Variants in SEPTIN9 observed in about 807,000 individuals in gnomAD.
The protein encoded by SEPTIN9 is septin-9.
SEPTIN9 carries 13 observed loss-of-function variants against 56.6 expected under a neutral mutation model. The observed-to-expected ratio is 0.23, with a 90% CI of 0.15 to 0.37. The LOEUF (loss-of-function observed/expected upper bound fraction) is 0.37. SEPTIN9 is among the 10% of genes least tolerant of loss of function. The pLI is 1.00. For synonymous variants in SEPTIN9, 332 were observed against 334.1 expected (o/e 0.99, Z 0.07); for missense variants, 650 against 823.1 (o/e 0.79, Z 2.57).
chr17:77,443,257 G>A (rs761938612), intron 3 of SEPTIN9, among the ~76,000 whole-genome samples: 1 of 152,128 alleles, frequency 6.6e-6, no homozygotes, highest in Non-Finnish European at 1.5e-5. Context: ...GGACACACTT[G>A]ATGTTGGCTC....
chr17:77,316,788 C>A (rs2143638583), intron 2 of SEPTIN9, among the ~76,000 whole-genome samples: 1 of 151,964 alleles, frequency 6.6e-6, no homozygotes, highest in East Asian at 1.9e-4. Context: ...CTCACAGCAG[C>A]CTCGAACTCC....
rs562492995 is a variant in SEPTIN9 at position 77,453,571 on chromosome 17, C to T, written c.722-28573C>T. On this transcript the variant is annotated intron_variant, in intron 3 of 11. Transcript: ENST00000427177. The surrounding 1 kb of genome is among the most constrained non-coding windows in gnomAD (Gnocchi z 4.4). ...AGTGAGCTGAGATTGTGCTACTGCA[C>T]TCCAGTCTGGGCAACAAGAGTGAAA... Among the ~76,000 whole-genome samples the T allele has an allele frequency of 2.4e-4, 36 of 150,894 alleles. No homozygotes were observed. In the South Asian group the frequency reaches 4.0e-3, roughly 17 times the overall value.
At chr17:77,316,376 C>T (rs1486669093) in intron 2 of SEPTIN9, among the ~76,000 whole-genome samples, 1 of 152,238 alleles carries the variant, frequency 6.6e-6, no homozygotes, top group African/African-American at 2.4e-5. Flanking sequence ...TTCAAGTGAT[C>T]CCCCGCCTGG....
Position 77,435,106 on chromosome 17 carries a change from T to G in SEPTIN9, c.721+32403T>G, listed in dbSNP as rs185445919. On this transcript the variant is annotated intron_variant, in intron 3 of 11. Coordinates refer to ENST00000427177, the MANE Select transcript of SEPTIN9 (RefSeq NM_001113491.2). The surrounding 1 kb of genome is among the most constrained non-coding windows in gnomAD (Gnocchi z 4.5). Reference sequence around the variant, plus strand: ...CTCCCAACAACACTGTGAAATTGATTCTGTTGTTATTCCCATTTCACCGAT... The same window carrying G: ...CTCCCAACAACACTGTGAAATTGATGCTGTTGTTATTCCCATTTCACCGAT... 9.8e-4 allele frequency among the ~76,000 whole-genome samples: 149 copies of G among 152,208 alleles called. No homozygotes were observed. Among genetic ancestry groups the G allele is most frequent in the South Asian group, 2.5e-3 (12 of 4,824 alleles).
chr17:77,485,848 T>C (rs1244512784), intron 4 of SEPTIN9, among the ~76,000 whole-genome samples: 1 of 150,848 alleles, frequency 6.6e-6, no homozygotes, highest in Non-Finnish European at 1.5e-5. Context: ...TTTTTTGTGT[T>C]GTGTTTTTTT....
At chr17:77,441,827 G>A (rs1014467203) in intron 3 of SEPTIN9, among the ~76,000 whole-genome samples, 3 of 152,188 alleles carry the variant, frequency 2.0e-5, no homozygotes, top group Non-Finnish European at 4.4e-5. Flanking sequence ...TTTGTGACGG[G>A]AACATCCTGC....
chr17:77,468,132 G>A (rs1322984549), intron 3 of SEPTIN9, among the ~76,000 whole-genome samples: 1 of 152,152 alleles, frequency 6.6e-6, no homozygotes, highest in Non-Finnish European at 1.5e-5. Flanking sequence ...GGGCGTGGTG[G>A]CGGGCGCCTG....
chr17:77,475,155 T>G lies in SEPTIN9; in HGVS notation c.722-6989T>G. 1 of 1,050,978 alleles carries G rather than the reference T, an allele frequency of 9.5e-7. No individual in the cohort carries two copies. The highest frequency in any genetic ancestry group is 4.5e-5 in the East Asian group (1 of 22,376). 65.1% of individuals were successfully genotyped at this position (1,050,978 alleles called of 1,614,324 possible). ...TACGCTGCTCTGAAGAAAGCCGGGCTGGGGTGAGCGTGATGGATGAGGTGT... is the reference window on the plus strand; with the variant it reads ...TACGCTGCTCTGAAGAAAGCCGGGCGGGGGTGAGCGTGATGGATGAGGTGT... On this transcript the variant is annotated intron_variant, in intron 3 of 11. Coordinates refer to ENST00000427177, the MANE Select transcript of SEPTIN9 (RefSeq NM_001113491.2). The surrounding 1 kb of genome is among the most constrained non-coding windows in gnomAD (Gnocchi z 4.6).
At position 77,451,444 on chromosome 17, in the gene SEPTIN9, C is replaced by G; in HGVS notation, c.722-30700C>G. 6.1e-6 allele frequency: 6 copies of G among 985,744 alleles called. No individual in the cohort carries two copies. Among genetic ancestry groups the G allele is most frequent in the Non-Finnish European group, 7.2e-6 (6 of 830,166 alleles). 61.1% of individuals were successfully genotyped at this position (985,744 alleles called of 1,614,324 possible). A position where few individuals can be genotyped will look rare whatever the true frequency, so the allele number is the denominator to read the frequency against. Reference sequence around the variant, plus strand: ...CCGCGACCACAAAGCCCCTTTGATCCTCTGCTCGGCTCTGAGCCATGTGAC... The same window carrying G: ...CCGCGACCACAAAGCCCCTTTGATCGTCTGCTCGGCTCTGAGCCATGTGAC... On this transcript the variant is annotated intron_variant, in intron 3 of 11. Coordinates refer to ENST00000427177, the MANE Select transcript of SEPTIN9 (RefSeq NM_001113491.2). This position sits in a 1 kb window ranked among gnomAD's most constrained non-coding sequence, Gnocchi z 4.2.
Position 77,487,326 on chromosome 17 carries a change from G to A in SEPTIN9, c.914-98G>A. On this transcript the variant is annotated intron_variant, in intron 4 of 11. Transcript: ENST00000427177. This position sits in a 1 kb window ranked among gnomAD's most constrained non-coding sequence, Gnocchi z 4.3. ...GTAGCCCAGGCACTGCTGAATCTCAGACTGGAGAGCCTCGTGCCTGGGTGG... is the reference window on the plus strand; with the variant it reads ...GTAGCCCAGGCACTGCTGAATCTCAAACTGGAGAGCCTCGTGCCTGGGTGG... 7.4e-7 allele frequency: 1 copy of A among 1,356,232 alleles called. No individual in the cohort carries two copies. Among genetic ancestry groups the A allele is most frequent in the Non-Finnish European group, 1.0e-6 (1 of 973,538 alleles). 84.0% of individuals were successfully genotyped at this position (1,356,232 alleles called of 1,614,324 possible).
In SEPTIN9 at chr17:77,325,494, C is replaced by T. The variant is rs1156790365; in HGVS notation, c.76+18297C>T. 9.9e-5 allele frequency among the ~76,000 whole-genome samples: 15 copies of T among 152,206 alleles called. 1 individual carries two copies. The highest frequency in any genetic ancestry group is 1.5e-5 in the Non-Finnish European group (1 of 68,034). ...AGGGAGTCTCAGCTCCTGCCCAGGA[C>T]CTGGCTGGACGTGCTCCCTACCGGG... On this transcript the variant is annotated intron_variant, in intron 2 of 11. Coordinates refer to ENST00000427177, the MANE Select transcript of SEPTIN9 (RefSeq NM_001113491.2).
chr17:77,491,179 G>A (rs992738204), intron 8 of SEPTIN9, among the ~76,000 whole-genome samples: 3 of 151,966 alleles, frequency 2.0e-5, no homozygotes, highest in Non-Finnish European at 2.9e-5. Flanking sequence ...GAGTGAGGCC[G>A]AGCAGGGGCC....
chr17:77,471,064 C>T (rs2143036554), intron 3 of SEPTIN9: 1 of 152,412 alleles, frequency 6.6e-6, no homozygotes, highest in South Asian at 2.1e-4. Context: ...GAAGAGAAAA[C>T]AATTCCAGTC....
Position 77,475,650 on chromosome 17 carries a change from G to T in SEPTIN9, c.722-6494G>T. ...AGGCTGCTCCAGTGTGCATTGTTAC[G>T]AGGCAAAGTAAGGAGACTGCTGGGC... is the stretch of plus-strand genomic sequence containing the variant. On this transcript the variant is annotated intron_variant, in intron 3 of 11. Coordinates refer to ENST00000427177, the MANE Select transcript of SEPTIN9 (RefSeq NM_001113491.2). This position sits in a 1 kb window ranked among gnomAD's most constrained non-coding sequence, Gnocchi z 4.6. The T allele has an allele frequency of 6.2e-7, 1 of 1,613,842 alleles. No individual in the cohort carries two copies. The highest frequency in any genetic ancestry group is 1.1e-5 in the South Asian group (1 of 91,084).
At chr17:77,356,175 G>C (rs1307408214) in intron 2 of SEPTIN9, among the ~76,000 whole-genome samples, 1 of 152,080 alleles carries the variant, frequency 6.6e-6, no homozygotes, top group Non-Finnish European at 1.5e-5. Flanking sequence ...AGGCGACACT[G>C]TGTCTCAGCC....
At chr17:77,366,399 G>C (rs2034571920) in intron 2 of SEPTIN9, among the ~76,000 whole-genome samples, 1 of 152,208 alleles carries the variant, frequency 6.6e-6, no homozygotes, top group African/African-American at 2.4e-5. Flanking sequence ...AGAAGGATCA[G>C]GAAGAAAACA....
chr17:77,396,506 A>C (rs1400425451), intron 2 of SEPTIN9, among the ~76,000 whole-genome samples: 1 of 152,164 alleles, frequency 6.6e-6, no homozygotes, highest in East Asian at 1.9e-4. Context: ...TAAAGTGACA[A>C]GGACCTGCTA....
chr17:77,383,026 G>T (rs1044888462), intron 2 of SEPTIN9, among the ~76,000 whole-genome samples: 3 of 152,138 alleles, frequency 2.0e-5, no homozygotes, highest in African/African-American at 7.2e-5. Flanking sequence ...GCAAGGCCAG[G>T]CTGGGAGGAC....
In SEPTIN9 at chr17:77,305,055, G is replaced by A. The variant is rs530757921; in HGVS notation, c.20-2086G>A. ...GGTCTTAAGGAGGCTGTCATTTCTG[G>A]GAGGCAGATGCTGGCCCTTCCATCC... On this transcript the variant is annotated intron_variant, in intron 1 of 11. Coordinates refer to ENST00000427177, the MANE Select transcript of SEPTIN9 (RefSeq NM_001113491.2). 2.6e-5 allele frequency among the ~76,000 whole-genome samples: 4 copies of A among 152,232 alleles called. 1 individual carries two copies. The South Asian group carries it at 8.3e-4, about 32-fold the overall frequency.
Sources: gnomAD v4.1 joint callset for allele counts (sites outside exome capture counted in the v4.1 genomes callset) on GRCh38, gnomAD v4.1.1 for gene constraint, Gnocchi (gnomAD v3.1) non-coding constraint, MANE v1.5 for transcripts, NCBI Gene and HGNC (gene_info 2026-07-23, HGNC 2026-07-21) for gene names.